Variants in CMTM6 observed in about 807,000 individuals in gnomAD.
CMTM6 encodes CKLF like MARVEL transmembrane domain containing 6, also known as CKLF-like MARVEL transmembrane domain-containing protein 6.
In CMTM6, 5 loss-of-function variants were observed where a neutral mutation model predicts 13.6. The ratio of observed to expected loss-of-function variants is 0.37; its 90% CI spans 0.19 to 0.77. The LOEUF (loss-of-function observed/expected upper bound fraction) is 0.77, where lower values mean the gene tolerates loss of function less well. Among genes scored for constraint, CMTM6 ranks in the 30% least tolerant of loss-of-function variants. The pLI, the probability that CMTM6 is intolerant of heterozygous loss-of-function variation, is 0.50. For synonymous variants in CMTM6, 99 were observed against 84.5 expected (o/e 1.17, Z -0.94); for missense variants, 196 against 218.6 (o/e 0.90, Z 0.65).
At chr3:32,496,419 C>G (rs923184139) in intron 1 of CMTM6, among the ~76,000 whole-genome samples, 1 of 143,492 alleles carries the variant, frequency 7.0e-6, no homozygotes, top group African/African-American at 2.6e-5. Context: ...CCATCTCTAC[C>G]AAAAAAAAAA....
At chr3:32,498,106 T>C (rs531219338) in intron 1 of CMTM6, among the ~76,000 whole-genome samples, 1 of 152,316 alleles carries the variant, frequency 6.6e-6, no homozygotes, top group South Asian at 2.1e-4. Context: ...AGCTAAGTAC[T>C]TAACAACTGT....
intron 3 of CMTM6, among the ~76,000 whole-genome samples, chr3:32,486,125 C>G (rs534286698): frequency 6.6e-6 from 1 of 152,334 alleles, no homozygotes; most frequent in Non-Finnish European, 1.5e-5. Flanking sequence ...ATCCGCCCGC[C>G]TTGGCCTCCC....
intron 3 of CMTM6, among the ~76,000 whole-genome samples, chr3:32,487,009 C>T (rs909179995): frequency 2.2e-4 from 33 of 152,162 alleles, no homozygotes; most frequent in Non-Finnish European, 2.9e-4. Flanking sequence ...GGCAATTAAA[C>T]CTCTTTTCTT....
chr3:32,499,494 C>T (rs1403700180), intron 1 of CMTM6, among the ~76,000 whole-genome samples: 1 of 152,144 alleles, frequency 6.6e-6, no homozygotes, highest in Non-Finnish European at 1.5e-5. Context: ...GGTCACTGCA[C>T]CAGCGTATCA....
At chr3:32,494,982 T>C (rs1697278565) in intron 1 of CMTM6, among the ~76,000 whole-genome samples, 1 of 151,742 alleles carries the variant, frequency 6.6e-6, no homozygotes, top group Non-Finnish European at 1.5e-5. Context: ...TACACACACA[T>C]GCACATACAA....
chr3:32,498,331 T>C (rs1291404121), intron 1 of CMTM6, among the ~76,000 whole-genome samples: 1 of 152,190 alleles, frequency 6.6e-6, no homozygotes, highest in Non-Finnish European at 1.5e-5. Context: ...ACTTCCTCTC[T>C]CCCCATGAAA....
rs1697218859 is a variant in CMTM6, at chr3:32,487,886, CA to C, written c.414+51del. On this transcript the variant is annotated intron_variant, in intron 3 of 3. Transcript: ENST00000205636. ...AACTTGTCAAGTACTCTCCAAATTC[CA>C]TATTTCTAAGGAAACAAAAATAAGC... The C allele has an allele frequency of 4.1e-5, 54 of 1,324,980 alleles. No homozygotes were observed. The South Asian group carries it at 5.0e-4, about 12-fold the overall frequency. The allele number at this position is 1,324,980 out of a possible 1,614,324, so 82.1% of individuals were successfully genotyped here.
Position 32,482,913 on chromosome 3 carries a change from C to T in CMTM6, c.*1047G>A, listed in dbSNP as rs1365954055. ...GAAGCAGCAGCACATGACTCCATTT[C>T]TATCTGATAAGGAGACAGAGAAGAG... On this transcript the variant is annotated 3_prime_UTR_variant, in exon 4 of 4. Transcript: ENST00000205636. 2.6e-5 allele frequency: 4 copies of T among 152,138 alleles called. No individual in the cohort carries two copies. The highest frequency in any genetic ancestry group is 9.7e-5 in the African/African-American group (4 of 41,344). The allele number at this position is 152,138 out of a possible 1,614,324, so 9.4% of individuals were successfully genotyped here. A position where few individuals can be genotyped will look rare whatever the true frequency, so the allele number is the denominator to read the frequency against.
intron 1 of CMTM6, among the ~76,000 whole-genome samples, chr3:32,492,591 G>A (rs749484483): frequency 2.0e-5 from 3 of 152,098 alleles, no homozygotes; most frequent in Non-Finnish European, 2.9e-5. Context: ...ACCTTGGGGC[G>A]GACATCCAAC....
Position 32,484,110 on chromosome 3 carries a change from AG to A in CMTM6, c.415-14del. ...TAAATCCAAACACCTGAGGAAAAAA[AG>A]GAGGAAAGGTTATATGAGAATTTTG... On this transcript the variant is annotated splice_polypyrimidine_tract_variant and intron_variant, in intron 3 of 3. Transcript: ENST00000205636. 1 of 1,566,142 alleles carries A rather than the reference AG, an allele frequency of 6.4e-7. No homozygotes were observed. Among genetic ancestry groups the A allele is most frequent in the Non-Finnish European group, 8.6e-7 (1 of 1,159,584 alleles).
intron 3 of CMTM6, among the ~76,000 whole-genome samples, chr3:32,487,490 C>T (rs1697214647): frequency 1.3e-5 from 2 of 152,100 alleles, no homozygotes; most frequent in South Asian, 4.1e-4. Flanking sequence ...CCACGGCACC[C>T]AGTCTCAGAA....
chr3:32,487,326 G>A (rs1217741502), intron 3 of CMTM6, among the ~76,000 whole-genome samples: 2 of 151,944 alleles, frequency 1.3e-5, no homozygotes, highest in African/African-American at 2.4e-5. Context: ...ACTGAAAACT[G>A]CTGTCTAGAC....
chr3:32,490,097 T>C (rs927788303), intron 2 of CMTM6, among the ~76,000 whole-genome samples: 1 of 152,096 alleles, frequency 6.6e-6, no homozygotes, highest in African/African-American at 2.4e-5. Flanking sequence ...AGTACAAAAA[T>C]TTGCTGGGTG....
intron 1 of CMTM6, among the ~76,000 whole-genome samples, chr3:32,493,096 C>T (rs1053077015): frequency 1.3e-5 from 2 of 152,194 alleles, no homozygotes; most frequent in African/African-American, 4.8e-5. Context: ...TTTAAAGAAA[C>T]AATTCATTTT....
chr3:32,482,077 C>T lies in CMTM6; in HGVS notation c.*1883G>A, dbSNP rs1377201300. On this transcript the variant is annotated 3_prime_UTR_variant, in exon 4 of 4. Coordinates refer to ENST00000205636, the MANE Select transcript of CMTM6 (RefSeq NM_017801.3). ...AACTTTAGTCTACCTACCATAAACT[C>T]GTTTTCTGAATCAGTCCTTATTCAT... The T allele has an allele frequency of 1.3e-5, 2 of 152,208 alleles. No homozygotes were observed. The highest frequency in any genetic ancestry group is 4.1e-4 in the South Asian group (2 of 4,832). The allele number at this position is 152,208 out of a possible 1,614,324, so 9.4% of individuals were successfully genotyped here. A position where few individuals can be genotyped will look rare whatever the true frequency, so the allele number is the denominator to read the frequency against.
intron 1 of CMTM6, among the ~76,000 whole-genome samples, chr3:32,495,975 G>C (rs796239490): frequency 2.6e-5 from 4 of 152,224 alleles, no homozygotes; most frequent in African/African-American, 9.6e-5. Flanking sequence ...CAGATCACTT[G>C]AGGCCTTCTG....
At chr3:32,491,660 C>A in intron 2 of CMTM6, 50 bp downstream of exon 2, 1 of 1,432,402 alleles carries the variant, frequency 7.0e-7, no homozygotes, top group South Asian at 1.4e-5. Context: ...AAAATTATGC[C>A]AGATTACAAA....
chr3:32,488,624 T>C (rs1390280303), intron 2 of CMTM6, among the ~76,000 whole-genome samples: 2 of 152,230 alleles, frequency 1.3e-5, no homozygotes, highest in South Asian at 2.1e-4. Context: ...CGTTATTAAA[T>C]AGAAGTATGC....
In CMTM6 at chr3:32,487,794, G is replaced by A. The variant is rs993221901; in HGVS notation, c.414+144C>T. 1.6e-5 allele frequency: 9 copies of A among 548,536 alleles called. No homozygotes were observed. In the South Asian group the frequency reaches 2.4e-4, roughly 15 times the overall value. 34.0% of individuals were successfully genotyped at this position (548,536 alleles called of 1,614,324 possible). ...TAAAGGCTATCATATTGATTTGCTTGTAGGTCTTCTATTCAAAATTACACT... is the reference window on the plus strand; with the variant it reads ...TAAAGGCTATCATATTGATTTGCTTATAGGTCTTCTATTCAAAATTACACT... On this transcript the variant is annotated intron_variant, in intron 3 of 3. Transcript: ENST00000205636.
Sources: gnomAD v4.1 joint callset for allele counts (sites outside exome capture counted in the v4.1 genomes callset) on GRCh38, gnomAD v4.1.1 for gene constraint, MANE v1.5 for transcripts, NCBI Gene and HGNC (gene_info 2026-07-23, HGNC 2026-07-21) for gene names.